The following CHST5 variants were observed in gnomAD, a reference collection of about 807,000 sequenced individuals.
CHST5 encodes GST4-alpha.
For synonymous variants in CHST5, 313 were observed against 279.2 expected, an observed-to-expected ratio of 1.12 and a Z score of -1.21; for missense variants, 637 against 602.1, an observed-to-expected ratio of 1.06 and a Z score of -0.61.
chr16:75,531,495 A>G lies in CHST5; in HGVS notation c.-1111T>C. Reference sequence around the variant, plus strand: ...AGCCCTGTGGGTTTGCAAGAAGATCAGTTGATGGGGAGCTGGGATGGAGCC... The same window carrying G: ...AGCCCTGTGGGTTTGCAAGAAGATCGGTTGATGGGGAGCTGGGATGGAGCC... On this transcript the variant is annotated 5_prime_UTR_variant, in exon 4 of 4. Transcript: ENST00000336257. 7.7e-7 allele frequency: 1 copy of G among 1,291,620 alleles called. No individual in the cohort carries two copies. The highest frequency in any genetic ancestry group is 5.6e-5 in the East Asian group (1 of 17,786). The allele number at this position is 1,291,620 out of a possible 1,614,324, so 80.0% of individuals were successfully genotyped here.
intron 3 of CHST5, 38 bp downstream of exon 3, chr16:75,533,051 T>C: frequency 1.4e-6 from 1 of 690,330 alleles, no homozygotes; most frequent in Admixed American, 2.0e-5. Context: ...CTTCCCTGGG[T>C]AGGGAGGATC....
rs1251876629 is a variant in CHST5, at chr16:75,531,521, C to G, written c.-1137G>C. ...GTTGATGGGGAGCTGGGATGGAGCC[C>G]AAGAAGCAGAGAGGTGAGAGCAGAG... is the stretch of plus-strand genomic sequence containing the variant. On this transcript the variant is annotated 5_prime_UTR_variant, in exon 4 of 4. Transcript: ENST00000336257. 1 of 1,300,634 alleles carries G rather than the reference C, an allele frequency of 7.7e-7. No homozygotes were observed. The highest frequency in any genetic ancestry group is 1.0e-6 in the Non-Finnish European group (1 of 987,564). The allele number at this position is 1,300,634 out of a possible 1,614,324, so 80.6% of individuals were successfully genotyped here.
chr16:75,533,458 C>T (rs774986144), intron 2 of CHST5, among the ~76,000 whole-genome samples: 1 of 152,212 alleles, frequency 6.6e-6, no homozygotes, highest in South Asian at 2.1e-4. Flanking sequence ...GGTCACACTC[C>T]TAAGCCTTTG....
chr16:75,531,383 A>G lies in CHST5; in HGVS notation c.-999T>C. 2.8e-6 allele frequency: 3 copies of G among 1,084,482 alleles called. No individual in the cohort carries two copies. The South Asian group carries it at 8.2e-5, about 30-fold the overall frequency. 67.2% of individuals were successfully genotyped at this position (1,084,482 alleles called of 1,614,324 possible). ...TCATTAAAGATAAACAAGTAAATAA[A>G]GTGGACAAAGAACAGCAACTGTTGT... On this transcript the variant is annotated 5_prime_UTR_variant, in exon 4 of 4. Transcript: ENST00000336257.
At position 75,530,583 on chromosome 16, in the gene CHST5, T is replaced by TATAC; in HGVS notation, c.-200_-199insGTAT. On this transcript the variant is annotated 5_prime_UTR_variant, in exon 4 of 4. Transcript: ENST00000336257. Reference sequence around the variant, plus strand: ...AATAATGTGGGATATCATCAAACTGTCTACCTACCCACCCACCCACCTACT... The same window carrying TATAC: ...AATAATGTGGGATATCATCAAACTGTATACCTACCTACCCACCCACCCACCTACT... 1 of 1,426,220 alleles carries TATAC rather than the reference T, an allele frequency of 7.0e-7. No homozygotes were observed. Among genetic ancestry groups the TATAC allele is most frequent in the Non-Finnish European group, 9.2e-7 (1 of 1,088,738 alleles). The allele number at this position is 1,426,220 out of a possible 1,614,324, so 88.3% of individuals were successfully genotyped here. A position where few individuals can be genotyped will look rare whatever the true frequency, so the allele number is the denominator to read the frequency against.
intron 2 of CHST5, among the ~76,000 whole-genome samples, chr16:75,533,693 A>G (rs922477585): frequency 1.3e-5 from 2 of 152,156 alleles, no homozygotes; most frequent in Non-Finnish European, 2.9e-5. Context: ...CCAAAATGCA[A>G]TTCTTGACTG....
chr16:75,529,393 C>T lies in CHST5; in HGVS notation c.992G>A (p.Gly331Glu). 1 of 1,613,090 alleles carries T rather than the reference C, an allele frequency of 6.2e-7. No individual in the cohort carries two copies. The highest frequency in any genetic ancestry group is 8.5e-7 in the Non-Finnish European group (1 of 1,179,928). Residue 331 changes from glycine (G) to glutamate (E), a missense_variant, in exon 4 of 4, where the codon GGG becomes GAG. Coordinates refer to ENST00000336257, the MANE Select transcript of CHST5 (RefSeq NM_024533.5). ...CTCGATTGGCTTGCCGATCCCCGAC[C>T]CGTGGGTGATGTTGTGGATCCAGGC... The part of the protein sequence containing the change: ...LEAWIHNITH[G>E]SGIGKPIEAF...
intron 2 of CHST5, among the ~76,000 whole-genome samples, chr16:75,534,886 C>G (rs1231790240): frequency 6.6e-6 from 1 of 152,236 alleles, no homozygotes; most frequent in Non-Finnish European, 1.5e-5. Flanking sequence ...GCACCCCGAC[C>G]CCTGCCCTGC....
intron 2 of CHST5, among the ~76,000 whole-genome samples, chr16:75,533,759 C>T (rs945743747): frequency 6.6e-6 from 1 of 152,042 alleles, no homozygotes; most frequent in Non-Finnish European, 1.5e-5. Flanking sequence ...ATTTGCTAGA[C>T]ATTGGACACA....
rs1284716079 is a variant in CHST5 at position 75,536,065 on chromosome 16, G to T, written c.-1656C>A. ...GCACCTTGATGACACAGGAATCCGT[G>T]CTGCCTCCCGGTGCAGTGTCCCAGC... On this transcript the variant is annotated 5_prime_UTR_variant, in exon 1 of 4. Coordinates refer to ENST00000336257, the MANE Select transcript of CHST5 (RefSeq NM_024533.5). Among the ~76,000 whole-genome samples, 1 of 152,214 alleles carries T rather than the reference G, an allele frequency of 6.6e-6. No individual in the cohort carries two copies. The highest frequency in any genetic ancestry group is 2.4e-5 in the African/African-American group (1 of 41,454).
At position 75,535,316 on chromosome 16, in the gene CHST5, A is replaced by C. The variant is rs1180237291; in HGVS notation, c.-1541T>G. The C allele has an allele frequency of 6.6e-6, 1 of 152,340 alleles. No individual in the cohort carries two copies. The highest frequency in any genetic ancestry group is 2.4e-5 in the African/African-American group (1 of 41,466). 9.4% of individuals were successfully genotyped at this position (152,340 alleles called of 1,614,324 possible). A position where few individuals can be genotyped will look rare whatever the true frequency, so the allele number is the denominator to read the frequency against. On this transcript the variant is annotated 5_prime_UTR_variant, in exon 2 of 4. Transcript: ENST00000336257. The stretch of plus-strand genomic sequence containing the variant: ...GTCCCAAGACTATTAAGGGACACCC[A>C]GTGAGGCTGGGAAAGGGGCTCTAAG...
chr16:75,530,701 CT>C lies in CHST5; in HGVS notation c.-318del. On this transcript the variant is annotated 5_prime_UTR_variant, in exon 4 of 4. Coordinates refer to ENST00000336257, the MANE Select transcript of CHST5 (RefSeq NM_024533.5). Reference sequence around the variant, plus strand: ...CTTCAGGATACCTCTTAGAGAGACCCTTTTAGGTTGTGGAGCTAAAAGGGCT... The same window carrying C: ...CTTCAGGATACCTCTTAGAGAGACCCTTTAGGTTGTGGAGCTAAAAGGGCT... The C allele has an allele frequency of 2.6e-6, 3 of 1,140,010 alleles. No homozygotes were observed. The highest frequency in any genetic ancestry group is 5.1e-5 in the East Asian group (1 of 19,760). The allele number at this position is 1,140,010 out of a possible 1,614,324, so 70.6% of individuals were successfully genotyped here. A position where few individuals can be genotyped will look rare whatever the true frequency, so the allele number is the denominator to read the frequency against.
Position 75,531,428 on chromosome 16 carries a change from A to G in CHST5, c.-1044T>C. ...TGTTGTCATCACTGGTGGGGAGTGA[A>G]GTGCTGTAGGCAGCATGGGCTCCAG... On this transcript the variant is annotated 5_prime_UTR_variant, in exon 4 of 4. Transcript: ENST00000336257. 8.5e-7 allele frequency: 1 copy of G among 1,180,278 alleles called. No homozygotes were observed. The highest frequency in any genetic ancestry group is 1.7e-5 in the South Asian group (1 of 58,366). 73.1% of individuals were successfully genotyped at this position (1,180,278 alleles called of 1,614,324 possible).
rs1297378130 is a variant in CHST5, at chr16:75,530,622, GCTAT to G, written c.-242_-239del. The stretch of plus-strand genomic sequence containing the variant: ...CACCCACCTACTTACATACCTACAG[GCTAT>G]CTATCTGTAGAGAGAAATACTATGT... On this transcript the variant is annotated 5_prime_UTR_variant, in exon 4 of 4. Coordinates refer to ENST00000336257, the MANE Select transcript of CHST5 (RefSeq NM_024533.5). 47 of 1,398,902 alleles carry G rather than the reference GCTAT, an allele frequency of 3.4e-5. No homozygotes were observed. Among genetic ancestry groups the G allele is most frequent in the Non-Finnish European group, 4.3e-5 (46 of 1,074,008 alleles). 86.7% of individuals were successfully genotyped at this position (1,398,902 alleles called of 1,614,324 possible). A position where few individuals can be genotyped will look rare whatever the true frequency, so the allele number is the denominator to read the frequency against.
At position 75,528,662 on chromosome 16, in the gene CHST5, C is replaced by T. The variant is rs1004643909; in HGVS notation, c.*487G>A. 6.5e-6 allele frequency: 1 copy of T among 154,822 alleles called. No individual in the cohort carries two copies. The highest frequency in any genetic ancestry group is 2.4e-5 in the African/African-American group (1 of 41,442). The allele number at this position is 154,822 out of a possible 1,614,324, so 9.6% of individuals were successfully genotyped here. A position where few individuals can be genotyped will look rare whatever the true frequency, so the allele number is the denominator to read the frequency against. On this transcript the variant is annotated 3_prime_UTR_variant, in exon 4 of 4. Transcript: ENST00000336257. ...TCTGGAGTCCAAGTGATTCTCCCAC[C>T]TCAGCCTCCTAAGTAGCTGGGATTA...
At chr16:75,533,060 T>A (rs2080536462) in intron 3 of CHST5, 29 bp downstream of exon 3, 1 of 695,672 alleles carries the variant, frequency 1.4e-6, no homozygotes. Context: ...GTAGGGAGGA[T>A]CTTGATCCCA....
chr16:75,530,289 C>T lies in CHST5; in HGVS notation c.96G>A (p.Val32=), dbSNP rs1243169799. The T allele has an allele frequency of 6.2e-7, 1 of 1,611,938 alleles. No individual in the cohort carries two copies. The highest frequency in any genetic ancestry group is 8.5e-7 in the Non-Finnish European group (1 of 1,179,428). ...MWLPRFSSKT[V]TVLLLAQTTC... ...TGGTCTGTGCCAGGAGGAGCACTGT[C>T]ACTGTCTTGCTGGAGAACCGTGGCA... The change falls in exon 4 of 4, where the codon GTG becomes GTA. Residue 32 remains valine (V), a synonymous_variant. Transcript: ENST00000336257.
Position 75,531,442 on chromosome 16 carries a change from C to A in CHST5, c.-1058G>T. On this transcript the variant is annotated 5_prime_UTR_variant, in exon 4 of 4. It removes an upstream start codon present in the reference 5' UTR. Coordinates refer to ENST00000336257, the MANE Select transcript of CHST5 (RefSeq NM_024533.5). ...GTGGGGAGTGAAGTGCTGTAGGCAG[C>A]ATGGGCTCCAGAAGGAGGGTGTCCT... The A allele has an allele frequency of 1.6e-6, 2 of 1,230,956 alleles. No individual in the cohort carries two copies. The highest frequency in any genetic ancestry group is 2.1e-6 in the Non-Finnish European group (2 of 950,074). The allele number at this position is 1,230,956 out of a possible 1,614,324, so 76.3% of individuals were successfully genotyped here. A position where few individuals can be genotyped will look rare whatever the true frequency, so the allele number is the denominator to read the frequency against.
At chr16:75,533,057 G>A (rs986416115) in intron 3 of CHST5, 32 bp downstream of exon 3, 22 of 694,236 alleles carry the variant, frequency 3.2e-5, no homozygotes, top group South Asian at 2.4e-4. Context: ...TGGGTAGGGA[G>A]GATCTTGATC....
Sources: gnomAD v4.1 joint callset for allele counts (sites outside exome capture counted in the v4.1 genomes callset) on GRCh38, gnomAD v4.1.1 for gene constraint, MANE v1.5 for transcripts, NCBI Gene and HGNC (gene_info 2026-07-23, HGNC 2026-07-21) for gene names.